Variants in NCAPH2 observed in about 807,000 individuals in gnomAD.
NCAPH2 encodes non-SMC condensin II complex subunit H2.
Under a neutral mutation model 88.6 loss-of-function variants are expected in NCAPH2, and 56 were observed. That is an observed-to-expected ratio of 0.63 (90% CI 0.51 to 0.79). The LOEUF is 0.79. NCAPH2 is among the 30% of genes least tolerant of loss of function. NCAPH2 has a pLI of 0.00. For missense variants in NCAPH2, 794 were observed against 792.0 expected, an observed-to-expected ratio of 1.00 and a Z score of -0.03; for synonymous variants, 378 against 313.6, an observed-to-expected ratio of 1.21 and a Z score of -2.17.
At position 50,517,798 on chromosome 22, in the gene NCAPH2, C is replaced by T; in HGVS notation, c.409C>T (p.Gln137Ter). 6.2e-7 allele frequency: 1 copy of T among 1,613,880 alleles called. No individual in the cohort carries two copies. ...GACTAACGTGGATCTCAAGAATGAT[C>T]AGACGCCCAGTGTGAGTCCTGGCCT... The part of the protein sequence containing the change: ...SRTNVDLKND[Q>*]TPSEVLIIPL... Residue 137 changes from glutamine (Q) to a stop codon, truncating the protein, a stop_gained, in exon 5 of 20, where the codon CAG becomes TAG. Coordinates refer to ENST00000420993, the MANE Select transcript of NCAPH2 (RefSeq NM_152299.4). LOFTEE classifies it high-confidence loss of function.
chr22:50,523,628 G>A lies in NCAPH2; in HGVS notation c.*253G>A, dbSNP rs201174948. ...GCAGTGGCTCAAGACAGGACACTGC[G>A]GAAAGCCGCCATGTGCCGCCGCACA... On this transcript the variant is annotated 3_prime_UTR_variant, in exon 20 of 20. Coordinates refer to ENST00000420993, the MANE Select transcript of NCAPH2 (RefSeq NM_152299.4). 6.1e-5 allele frequency: 99 copies of A among 1,613,624 alleles called. No homozygotes were observed. In the Admixed American group the frequency reaches 1.2e-3, roughly 19 times the overall value.
At chr22:50,520,109 A>G (rs771554748) in intron 9 of NCAPH2, among the ~76,000 whole-genome samples, 5 of 152,066 alleles carry the variant, frequency 3.3e-5, no homozygotes, top group Non-Finnish European at 5.9e-5. Flanking sequence ...TGACTTCGTG[A>G]TCTGCCCGTC....
chr22:50,508,918 G>A (rs1297521700), intron 1 of NCAPH2, among the ~76,000 whole-genome samples: 1 of 152,198 alleles, frequency 6.6e-6, no homozygotes, highest in East Asian at 1.9e-4. Context: ...GTCTAGACCT[G>A]TGTTAAGCTG....
Position 50,524,142 on chromosome 22 carries a change from TC to T in NCAPH2, c.*768del, listed in dbSNP as rs1336717028. ...CAGCTGCCTGGCGCAGGGCTTCTGTTCGCTTTTGCTGCTGCAGCCTCTCCTT... is the reference window on the plus strand; with the variant it reads ...CAGCTGCCTGGCGCAGGGCTTCTGTTGCTTTTGCTGCTGCAGCCTCTCCTT... On this transcript the variant is annotated 3_prime_UTR_variant, in exon 20 of 20. Transcript: ENST00000420993. 1 of 1,611,980 alleles carries T rather than the reference TC, an allele frequency of 6.2e-7. No individual in the cohort carries two copies. The highest frequency in any genetic ancestry group is 1.7e-5 in the Admixed American group (1 of 60,026).
chr22:50,517,687 C>T lies in NCAPH2; in HGVS notation c.351+26C>T, dbSNP rs200663937. Reference sequence around the variant, plus strand: ...GTGAGTTTCTTTGGCATGTGGTCCCCGCCCACTGTGTGTTTGCCTGGGCTC... The same window carrying T: ...GTGAGTTTCTTTGGCATGTGGTCCCTGCCCACTGTGTGTTTGCCTGGGCTC... On this transcript the variant is annotated intron_variant, in intron 4 of 19. Transcript: ENST00000420993. 76 of 1,614,070 alleles carry T rather than the reference C, an allele frequency of 4.7e-5. No individual in the cohort carries two copies. In the East Asian group the frequency reaches 8.7e-4, roughly 18 times the overall value.
chr22:50,524,600 C>T lies in NCAPH2; in HGVS notation c.*1225C>T, dbSNP rs1320673766. The stretch of plus-strand genomic sequence containing the variant: ...ACTCCACCTCCACCAAACATCCACA[C>T]CTGGGCAACCACACCTGTCACTCCT... On this transcript the variant is annotated 3_prime_UTR_variant, in exon 20 of 20. Coordinates refer to ENST00000420993, the MANE Select transcript of NCAPH2 (RefSeq NM_152299.4). 1.4e-6 allele frequency: 1 copy of T among 720,000 alleles called. No individual in the cohort carries two copies. Among genetic ancestry groups the T allele is most frequent in the Non-Finnish European group, 2.6e-6 (1 of 389,244 alleles). 44.6% of individuals were successfully genotyped at this position (720,000 alleles called of 1,614,324 possible).
intron 9 of NCAPH2, among the ~76,000 whole-genome samples, chr22:50,519,968 T>G (rs2069040711): frequency 6.6e-6 from 1 of 151,956 alleles, no homozygotes; most frequent in African/African-American, 2.4e-5. Context: ...CCTCCCGGGT[T>G]CACGCCATTC....
Position 50,524,113 on chromosome 22 carries a change from C to T in NCAPH2, c.*738C>T, listed in dbSNP as rs1243121340. The T allele has an allele frequency of 3.1e-6, 5 of 1,612,836 alleles. No individual in the cohort carries two copies. Among genetic ancestry groups the T allele is most frequent in the Non-Finnish European group, 3.4e-6 (4 of 1,180,014 alleles). On this transcript the variant is annotated 3_prime_UTR_variant, in exon 20 of 20. Transcript: ENST00000420993. ...ATCCAGCAGGTGGAAGTCGCCCTGG[C>T]CCACAGCTGCCTGGCGCAGGGCTTC...
chr22:50,517,560 A>ATG lies in NCAPH2; in HGVS notation c.267-14_267-13dup. ...CTGCAGCTCCTGGGATGCCCACGGG[A>ATG]TGTGCTTCTCTCTCAGGCGGGCCAA... On this transcript the variant is annotated splice_polypyrimidine_tract_variant and intron_variant, in intron 3 of 19. Coordinates refer to ENST00000420993, the MANE Select transcript of NCAPH2 (RefSeq NM_152299.4). 1.2e-6 allele frequency: 2 copies of ATG among 1,613,922 alleles called. No homozygotes were observed. Among genetic ancestry groups the ATG allele is most frequent in the Non-Finnish European group, 1.7e-6 (2 of 1,179,988 alleles).
intron 1 of NCAPH2, among the ~76,000 whole-genome samples, chr22:50,509,839 C>A (rs1603440209): frequency 6.6e-6 from 1 of 152,082 alleles, no homozygotes; most frequent in African/African-American, 2.4e-5. Context: ...TTCTTTTGAA[C>A]CAGTCAACCT....
intron 1 of NCAPH2, among the ~76,000 whole-genome samples, chr22:50,509,850 A>G (rs1346005033): frequency 2.0e-5 from 3 of 149,254 alleles, no homozygotes; most frequent in African/African-American, 7.4e-5. Flanking sequence ...CAGTCAACCT[A>G]TGGCCCCTCC....
chr22:50,519,366 A>G (rs1394996266), intron 9 of NCAPH2, 46 bp downstream of exon 9: 1 of 1,606,000 alleles, frequency 6.2e-7, no homozygotes, highest in Non-Finnish European at 8.5e-7. Flanking sequence ...GTGAACTGGC[A>G]ACCCTGGCTC....
At position 50,524,157 on chromosome 22, in the gene NCAPH2, C is replaced by G; in HGVS notation, c.*782C>G. On this transcript the variant is annotated 3_prime_UTR_variant, in exon 20 of 20. Transcript: ENST00000420993. The stretch of plus-strand genomic sequence containing the variant: ...GGGCTTCTGTTCGCTTTTGCTGCTG[C>G]AGCCTCTCCTTCTCAGCCCTCAGGG... 1 of 1,611,284 alleles carries G rather than the reference C, an allele frequency of 6.2e-7. No individual in the cohort carries two copies. Among genetic ancestry groups the G allele is most frequent in the Non-Finnish European group, 8.5e-7 (1 of 1,180,020 alleles).
intron 9 of NCAPH2, chr22:50,519,761 G>A (rs1434086172): frequency 1.0e-6 from 1 of 1,000,148 alleles, no homozygotes; most frequent in East Asian, 1.0e-4. Context: ...GATGCATACA[G>A]AGGAAATGTT....
In NCAPH2 at chr22:50,521,973, T is replaced by C. The variant is rs1289908315; in HGVS notation, c.1109-13T>C. Reference sequence around the variant, plus strand: ...CTCTTGGCCTGGCTGGTGCTGAGCATGTTCTTTCACAGATGCAGACCATGC... The same window carrying C: ...CTCTTGGCCTGGCTGGTGCTGAGCACGTTCTTTCACAGATGCAGACCATGC... On this transcript the variant is annotated splice_polypyrimidine_tract_variant and intron_variant, in intron 12 of 19. Transcript: ENST00000420993. 3 of 1,613,790 alleles carry C rather than the reference T, an allele frequency of 1.9e-6. No individual in the cohort carries two copies. The highest frequency in any genetic ancestry group is 1.7e-6 in the Non-Finnish European group (2 of 1,179,936).
intron 1 of NCAPH2, 121 bp from the exon 2 acceptor site, chr22:50,516,326 A>G (rs2148660599): frequency 1.2e-6 from 1 of 813,126 alleles, no homozygotes; most frequent in Non-Finnish European, 2.0e-6. Flanking sequence ...CCCACAGCAT[A>G]GCTAGAGCTG....
Position 50,522,923 on chromosome 22 carries a change from G to A in NCAPH2, c.1527+1G>A. On this transcript the variant is annotated splice_donor_variant, in intron 18 of 19. Transcript: ENST00000420993. LOFTEE classifies it high-confidence loss of function. ...AGTGCAGCCTCTGCTCCAGGAGCAG[G>A]TGAGGCGGGGCCGCTGGGAACCAGA... The A allele has an allele frequency of 6.2e-7, 1 of 1,612,892 alleles. No individual in the cohort carries two copies.
chr22:50,524,662 C>G lies in NCAPH2; in HGVS notation c.*1287C>G. 1 of 690,046 alleles carries G rather than the reference C, an allele frequency of 1.4e-6. No individual in the cohort carries two copies. The allele number at this position is 690,046 out of a possible 1,614,324, so 42.7% of individuals were successfully genotyped here. On this transcript the variant is annotated 3_prime_UTR_variant, in exon 20 of 20. Coordinates refer to ENST00000420993, the MANE Select transcript of NCAPH2 (RefSeq NM_152299.4). The stretch of plus-strand genomic sequence containing the variant: ...GGGATCACCAGCCTGTCACCGCACC[C>G]TGCCCTGCACCTGCACCTCAGCAAG...
chr22:50,522,095 C>T, intron 13 of NCAPH2, 56 bp downstream of exon 13: 22 of 1,613,100 alleles, frequency 1.4e-5, no homozygotes, highest in Non-Finnish European at 1.9e-5. Flanking sequence ...TACCTCTTCC[C>T]CCACCTGGTG....
Sources: gnomAD v4.1 joint callset for allele counts (sites outside exome capture counted in the v4.1 genomes callset) on GRCh38, gnomAD v4.1.1 for gene constraint, MANE v1.5 for transcripts, NCBI Gene and HGNC (gene_info 2026-07-23, HGNC 2026-07-21) for gene names.